Variants in CBX5 observed in about 807,000 individuals in gnomAD.
CBX5 encodes the protein chromobox protein homolog 5.
A neutral mutation model predicts 20.7 loss-of-function variants in CBX5; 7 were observed. That is an observed-to-expected ratio of 0.34 (90% CI 0.19 to 0.63). CBX5 has a LOEUF of 0.63. Among genes scored for constraint, CBX5 ranks in the 30% least tolerant of loss-of-function variants. The pLI is 0.75. For missense variants in CBX5, 110 were observed against 224.1 expected (o/e 0.49, Z 3.25); for synonymous variants, 78 against 77.0 (o/e 1.01, Z -0.07).
At chr12:54,245,026 T>C (rs1399694350) in intron 4 of CBX5, among the ~76,000 whole-genome samples, 7 of 151,394 alleles carry the variant, frequency 4.6e-5, no homozygotes. Context: ...ATTTTTTTTT[T>C]TTAGAGACGG....
rs745476403 is a variant in CBX5 at position 54,231,482 on chromosome 12, AAC to A, written c.*10271_*10272del. The A allele has an allele frequency of 6.5e-6, 1 of 154,640 alleles. No individual in the cohort carries two copies. Among genetic ancestry groups the A allele is most frequent in the African/African-American group, 2.4e-5 (1 of 41,508 alleles). The allele number at this position is 154,640 out of a possible 1,614,324, so 9.6% of individuals were successfully genotyped here. On this transcript the variant is annotated 3_prime_UTR_variant, in exon 5 of 5. Transcript: ENST00000209875. Reference sequence around the variant, plus strand: ...TGAACAGTGAGAGCAGAGTCCACAAAACACAGAGAACCAGAATGTGACCGCAA... The same window carrying A: ...TGAACAGTGAGAGCAGAGTCCACAAAACAGAGAACCAGAATGTGACCGCAA...
intron 1 of CBX5, among the ~76,000 whole-genome samples, chr12:54,263,694 C>T (rs562910075): frequency 1.3e-3 from 168 of 128,204 alleles, no homozygotes; most frequent in Middle Eastern, 4.8e-3. Flanking sequence ...AAACGGGAGG[C>T]GGAGGTTGCA....
At position 54,234,040 on chromosome 12, in the gene CBX5, C is replaced by CA. The variant is rs1012146445; in HGVS notation, c.*7714dup. ...ACTAAAAATACAAAAATTAGCCGGG[C>CA]ATGGTGGCAGGCGCCTATAATCCCA... On this transcript the variant is annotated 3_prime_UTR_variant, in exon 5 of 5. Coordinates refer to ENST00000209875, the MANE Select transcript of CBX5 (RefSeq NM_012117.3). The CA allele has an allele frequency of 6.6e-6, 1 of 152,022 alleles. No individual in the cohort carries two copies. Among genetic ancestry groups the CA allele is most frequent in the African/African-American group, 2.4e-5 (1 of 41,308 alleles). The allele number at this position is 152,022 out of a possible 1,614,324, so 9.4% of individuals were successfully genotyped here.
In CBX5 at chr12:54,245,324, T is replaced by C. The variant is rs79302578; in HGVS notation, c.425+791A>G. On this transcript the variant is annotated intron_variant, in intron 4 of 4. Coordinates refer to ENST00000209875, the MANE Select transcript of CBX5 (RefSeq NM_012117.3). ...CTGCATCCGACCTTTATATATTTTC[T>C]ACCTCAAATTTACCTTTTTTTCTGA... is the stretch of plus-strand genomic sequence containing the variant. Among the ~76,000 whole-genome samples the C allele has an allele frequency of 5.8e-4, 88 of 152,238 alleles. 1 individual carries two copies. The East Asian group carries it at 0.017, about 29-fold the overall frequency.
At position 54,238,430 on chromosome 12, in the gene CBX5, A is replaced by T. The variant is rs1486293574; in HGVS notation, c.*3325T>A. On this transcript the variant is annotated 3_prime_UTR_variant, in exon 5 of 5. Transcript: ENST00000209875. The stretch of plus-strand genomic sequence containing the variant: ...GAGTTGATAGAAAACATAACTAAAA[A>T]AGTAGAAGACACTGTTAAATTTGAA... The T allele has an allele frequency of 1.3e-5, 2 of 152,214 alleles. No homozygotes were observed. The highest frequency in any genetic ancestry group is 2.9e-5 in the Non-Finnish European group (2 of 68,032). The allele number at this position is 152,214 out of a possible 1,614,324, so 9.4% of individuals were successfully genotyped here. A position where few individuals can be genotyped will look rare whatever the true frequency, so the allele number is the denominator to read the frequency against.
At chr12:54,270,768 T>C (rs943120930) in intron 1 of CBX5, among the ~76,000 whole-genome samples, 1 of 152,178 alleles carries the variant, frequency 6.6e-6, no homozygotes, top group Non-Finnish European at 1.5e-5. Flanking sequence ...TAAACATACC[T>C]TGGCCAAGCA....
At chr12:54,242,524 C>A (rs1387622217) in intron 4 of CBX5, among the ~76,000 whole-genome samples, 40 of 76,932 alleles carry the variant, frequency 5.2e-4, no homozygotes, top group Admixed American at 8.2e-4. Context: ...GACTCCGTCT[C>A]AAAAAAAAAA....
chr12:54,252,392 A>AT, intron 2 of CBX5, 165 bp from the exon 3 acceptor site: 90 of 446,394 alleles, frequency 2.0e-4, no homozygotes, highest in East Asian at 3.4e-4. Context: ...CCCAGGAAAA[A>AT]TGAAAAAAAA....
rs1943785583 is a variant in CBX5, at chr12:54,250,589, A to C, written c.324+1452T>G. 3.3e-5 allele frequency among the ~76,000 whole-genome samples: 5 copies of C among 149,764 alleles called. No individual in the cohort carries two copies. In the South Asian group the frequency reaches 1.1e-3, roughly 32 times the overall value. On this transcript the variant is annotated intron_variant, in intron 3 of 4. Coordinates refer to ENST00000209875, the MANE Select transcript of CBX5 (RefSeq NM_012117.3). The stretch of plus-strand genomic sequence containing the variant: ...GGGAGGCCGAGGCGGGTGGATCATG[A>C]GGTCAGGAGATCGAGACCATCCTGG...
rs1176592839 is a variant in CBX5, at chr12:54,237,122, C to T, written c.*4633G>A. On this transcript the variant is annotated 3_prime_UTR_variant, in exon 5 of 5. Coordinates refer to ENST00000209875, the MANE Select transcript of CBX5 (RefSeq NM_012117.3). ...AGACTTTTAATTGTTAGAAGCACCA[C>T]AGGTCCAAATGCTCCCCAGAGTGGA... The T allele has an allele frequency of 6.6e-6, 1 of 152,190 alleles. No homozygotes were observed. Among genetic ancestry groups the T allele is most frequent in the Admixed American group, 6.5e-5 (1 of 15,274 alleles). 9.4% of individuals were successfully genotyped at this position (152,190 alleles called of 1,614,324 possible). A position where few individuals can be genotyped will look rare whatever the true frequency, so the allele number is the denominator to read the frequency against.
At chr12:54,276,343 A>T (rs1944067691) in intron 1 of CBX5, among the ~76,000 whole-genome samples, 1 of 152,202 alleles carries the variant, frequency 6.6e-6, no homozygotes, top group East Asian at 1.9e-4. Flanking sequence ...ATGTGTTCAG[A>T]ATACTTACAT....
chr12:54,273,281 A>C (rs1406348165), intron 1 of CBX5: 3 of 152,182 alleles, frequency 2.0e-5, no homozygotes, highest in Non-Finnish European at 4.4e-5. Context: ...TGTCTCTATC[A>C]AAAATACATA....
intron 3 of CBX5, among the ~76,000 whole-genome samples, chr12:54,246,930 T>G (rs1373423451): frequency 6.6e-6 from 1 of 152,204 alleles, no homozygotes; most frequent in South Asian, 2.1e-4. Flanking sequence ...TTACCCTAAC[T>G]GTATCTTTTC....
At position 54,233,755 on chromosome 12, in the gene CBX5, A is replaced by G. The variant is rs563808794; in HGVS notation, c.*8000T>C. On this transcript the variant is annotated 3_prime_UTR_variant, in exon 5 of 5. Coordinates refer to ENST00000209875, the MANE Select transcript of CBX5 (RefSeq NM_012117.3). The stretch of plus-strand genomic sequence containing the variant: ...AGACCAGCCTGGGCAACACAGGGAG[A>G]CTGTCTCTACAAAACATTTTTTAAA... 6.6e-6 allele frequency: 1 copy of G among 151,966 alleles called. No homozygotes were observed. Among genetic ancestry groups the G allele is most frequent in the African/African-American group, 2.4e-5 (1 of 41,434 alleles). The allele number at this position is 151,966 out of a possible 1,614,324, so 9.4% of individuals were successfully genotyped here.
At chr12:54,261,818 T>A (rs1486457969) in intron 1 of CBX5, among the ~76,000 whole-genome samples, 1 of 152,226 alleles carries the variant, frequency 6.6e-6, no homozygotes, top group Non-Finnish European at 1.5e-5. Flanking sequence ...TTAAACGGGC[T>A]AAATAAATCT....
At chr12:54,251,201 C>CTA (rs1370468196) in intron 3 of CBX5, among the ~76,000 whole-genome samples, 1 of 151,916 alleles carries the variant, frequency 6.6e-6, no homozygotes, top group Non-Finnish European at 1.5e-5. Context: ...TGGCTCACGT[C>CTA]TATAATCTCA....
At position 54,233,003 on chromosome 12, in the gene CBX5, G is replaced by A. The variant is rs555369059; in HGVS notation, c.*8752C>T. On this transcript the variant is annotated 3_prime_UTR_variant, in exon 5 of 5. Coordinates refer to ENST00000209875, the MANE Select transcript of CBX5 (RefSeq NM_012117.3). ...TGGTAGCGCTCTTATAAAGCTGCAA[G>A]TTGGTGGCGTGGGAATCCTAGCACC... is the stretch of plus-strand genomic sequence containing the variant. 2.6e-5 allele frequency: 4 copies of A among 152,236 alleles called. No homozygotes were observed. Among genetic ancestry groups the A allele is most frequent in the South Asian group, 4.2e-4 (2 of 4,818 alleles). 9.4% of individuals were successfully genotyped at this position (152,236 alleles called of 1,614,324 possible).
Position 54,234,890 on chromosome 12 carries a change from C to A in CBX5, c.*6865G>T, listed in dbSNP as rs969126744. 3 of 152,134 alleles carry A rather than the reference C, an allele frequency of 2.0e-5. No homozygotes were observed. Among genetic ancestry groups the A allele is most frequent in the African/African-American group, 7.2e-5 (3 of 41,416 alleles). The allele number at this position is 152,134 out of a possible 1,614,324, so 9.4% of individuals were successfully genotyped here. On this transcript the variant is annotated 3_prime_UTR_variant, in exon 5 of 5. Coordinates refer to ENST00000209875, the MANE Select transcript of CBX5 (RefSeq NM_012117.3). Reference sequence around the variant, plus strand: ...ATGAAAAGGCAAGAGAACAAGCTGTCAATGAACAGGAAAAATTCCATCTTA... The same window carrying A: ...ATGAAAAGGCAAGAGAACAAGCTGTAAATGAACAGGAAAAATTCCATCTTA...
At chr12:54,274,503 T>C (rs967133396) in intron 1 of CBX5, among the ~76,000 whole-genome samples, 1 of 152,194 alleles carries the variant, frequency 6.6e-6, no homozygotes, top group African/African-American at 2.4e-5. Flanking sequence ...AACACAGCTT[T>C]AGGCCCAGTT....
Sources: gnomAD v4.1 joint callset for allele counts (sites outside exome capture counted in the v4.1 genomes callset) on GRCh38, gnomAD v4.1.1 for gene constraint, MANE v1.5 for transcripts, NCBI Gene and HGNC (gene_info 2026-07-23, HGNC 2026-07-21) for gene names.